The following SLC26A7 variants were observed in gnomAD, a reference collection of about 807,000 sequenced individuals.
SLC26A7 encodes anion exchange transporter.
In SLC26A7, 59 loss-of-function variants were observed where a neutral mutation model predicts 82.5. The observed-to-expected ratio is 0.72, with a 90% CI of 0.58 to 0.89. The LOEUF is 0.89. Ranked by LOEUF, SLC26A7 falls within the 40% of genes least tolerant of loss-of-function variation. SLC26A7 has a pLI of 0.00. For missense variants in SLC26A7, 820 were observed against 793.0 expected (o/e 1.03, Z -0.41); for synonymous variants, 271 against 274.3 (o/e 0.99, Z 0.12).
At chr8:91,276,340 T>C (rs902561854) in intron 2 of SLC26A7, among the ~76,000 whole-genome samples, 2 of 152,220 alleles carry the variant, frequency 1.3e-5, no homozygotes, top group African/African-American at 4.8e-5. Context: ...CTTGCATTTG[T>C]ATATTATTTT....
chr8:91,305,853 T>C (rs532121000), intron 4 of SLC26A7, among the ~76,000 whole-genome samples: 2 of 152,186 alleles, frequency 1.3e-5, no homozygotes, highest in South Asian at 4.1e-4. Context: ...ACTTTTTCCT[T>C]TTTCCTTTAC....
At chr8:91,354,339 T>C (rs898515117) in intron 11 of SLC26A7, among the ~76,000 whole-genome samples, 10 of 152,064 alleles carry the variant, frequency 6.6e-5, no homozygotes, top group African/African-American at 1.9e-4. Context: ...ACAAAGAGAA[T>C]CTCATATGCA....
chr8:91,358,437 C>T (rs1354872591), intron 11 of SLC26A7, among the ~76,000 whole-genome samples: 5 of 150,690 alleles, frequency 3.3e-5, no homozygotes, highest in African/African-American at 1.2e-4. Context: ...TCATGCCATT[C>T]TCCTGCCTCA....
intron 7 of SLC26A7, among the ~76,000 whole-genome samples, chr8:91,339,404 A>G (rs1271800327): frequency 6.6e-6 from 1 of 152,138 alleles, no homozygotes; most frequent in African/African-American, 2.4e-5. Context: ...TGGAGCTGAG[A>G]TTGCATTCCA....
chr8:91,300,668 A>AT (rs1474178528), intron 4 of SLC26A7, among the ~76,000 whole-genome samples: 1 of 152,210 alleles, frequency 6.6e-6, no homozygotes, highest in African/African-American at 2.4e-5. Flanking sequence ...AAGTGCTGGG[A>AT]TTACAGGCGT....
intron 11 of SLC26A7, among the ~76,000 whole-genome samples, chr8:91,358,518 G>T (rs1235228299): frequency 6.6e-6 from 1 of 151,760 alleles, no homozygotes; most frequent in Non-Finnish European, 1.5e-5. Flanking sequence ...TTTTAGTAGA[G>T]ACGGGGTTTC....
intron 9 of SLC26A7, chr8:91,344,347 GAAAA>G: frequency 4.3e-6 from 1 of 229,998 alleles, no homozygotes; most frequent in East Asian, 1.8e-4. Context: ...GGATACACAA[GAAAA>G]ATCATGTGTA....
intron 5 of SLC26A7, among the ~76,000 whole-genome samples, chr8:91,318,759 G>T (rs1316828716): frequency 6.6e-6 from 1 of 152,144 alleles, no homozygotes; most frequent in Non-Finnish European, 1.5e-5. Flanking sequence ...TCCTGGGGTG[G>T]ATTAAATCAG....
chr8:91,378,954 TAAG>T (rs1286601712), intron 15 of SLC26A7, among the ~76,000 whole-genome samples: 2 of 152,018 alleles, frequency 1.3e-5, no homozygotes, highest in East Asian at 1.9e-4. Flanking sequence ...TTTGAATTAA[TAAG>T]AAGTTAAAAG....
intron 18 of SLC26A7, chr8:91,394,267 C>T (rs775261627): frequency 1.7e-5 from 27 of 1,613,184 alleles, no homozygotes; most frequent in South Asian, 9.9e-5. Context: ...ACAATGCCAC[C>T]GCTCTGAGGA....
In SLC26A7 at chr8:91,395,847, C is replaced by T. The variant is rs1307678823; in HGVS notation, c.*750C>T. On this transcript the variant is annotated 3_prime_UTR_variant, in exon 19 of 19. Coordinates refer to ENST00000276609, the MANE Select transcript of SLC26A7 (RefSeq NM_052832.4). ...TAACATTTCTACCCAATAAGAGGCTCTGTTTTCCACTGAAGCTTTGTTGGA... is the reference window on the plus strand; with the variant it reads ...TAACATTTCTACCCAATAAGAGGCTTTGTTTTCCACTGAAGCTTTGTTGGA... The T allele has an allele frequency of 1.3e-5, 2 of 152,006 alleles. No individual in the cohort carries two copies. The highest frequency in any genetic ancestry group is 6.6e-5 in the Admixed American group (1 of 15,252). The allele number at this position is 152,006 out of a possible 1,614,324, so 9.4% of individuals were successfully genotyped here.
In SLC26A7 at chr8:91,363,941, GTT is replaced by G. The variant is rs5893169; in HGVS notation, c.1488+419_1488+420del. 1.2e-3 allele frequency among the ~76,000 whole-genome samples: 157 copies of G among 135,684 alleles called. 1 individual carries two copies. Among genetic ancestry groups the G allele is most frequent in the African/African-American group, 2.1e-3 (78 of 36,694 alleles). 89.0% of individuals were successfully genotyped at this position (135,684 alleles called of 152,430 possible). ...TGAAGCAAATTTGGTTCATGGTATT[GTT>G]TTTTTTTTTTTTTTTCTTAACTCAG... On this transcript the variant is annotated intron_variant, in intron 13 of 18. Coordinates refer to ENST00000276609, the MANE Select transcript of SLC26A7 (RefSeq NM_052832.4).
rs868538613 is a variant in SLC26A7, at chr8:91,355,509, T to C, written c.1314+2513T>C. 3.6e-4 allele frequency among the ~76,000 whole-genome samples: 55 copies of C among 152,182 alleles called. 2 individuals are homozygous for C. Among genetic ancestry groups the C allele is most frequent in the Middle Eastern group, 3.4e-3 (1 of 294 alleles). On this transcript the variant is annotated intron_variant, in intron 11 of 18. Coordinates refer to ENST00000276609, the MANE Select transcript of SLC26A7 (RefSeq NM_052832.4). Reference sequence around the variant, plus strand: ...CTAGACACATATCTCTGATTATGTATTTCTAGTTGTGATTTTCTTACTTTT... The same window carrying C: ...CTAGACACATATCTCTGATTATGTACTTCTAGTTGTGATTTTCTTACTTTT...
At chr8:91,394,576 T>C (rs1808513733) in intron 18 of SLC26A7, 2 of 1,205,306 alleles carry the variant, frequency 1.7e-6, no homozygotes, top group Admixed American at 4.2e-5. Context: ...AATTTTTCCT[T>C]GAGTTTTGAA....
intron 5 of SLC26A7, among the ~76,000 whole-genome samples, chr8:91,332,256 A>C (rs904819589): frequency 5.8e-4 from 83 of 143,572 alleles, no homozygotes; most frequent in Non-Finnish European, 1.2e-3. Flanking sequence ...TTATATATTA[A>C]ATTTATAATT....
chr8:91,222,524 A>G (rs1810175141), intron 2 of SLC26A7, among the ~76,000 whole-genome samples: 2 of 152,090 alleles, frequency 1.3e-5, no homozygotes, highest in Non-Finnish European at 2.9e-5. Context: ...ATTTTTAGAT[A>G]TGTTCCATCA....
intron 3 of SLC26A7, among the ~76,000 whole-genome samples, chr8:91,294,541 G>A (rs1208838124): frequency 6.6e-6 from 1 of 152,052 alleles, no homozygotes; most frequent in Admixed American, 6.6e-5. Flanking sequence ...ATGTTGAAAA[G>A]GCCCTTTTCA....
intron 4 of SLC26A7, among the ~76,000 whole-genome samples, chr8:91,311,767 G>T (rs1812494325): frequency 1.3e-5 from 2 of 152,226 alleles, no homozygotes; most frequent in South Asian, 4.1e-4. Flanking sequence ...CAGGCTAGGG[G>T]AGGAAGAGGG....
chr8:91,295,560 G>A lies in SLC26A7; in HGVS notation c.334G>A (p.Ala112Thr), dbSNP rs775341911. Residue 112 changes from alanine (A) to threonine (T), a missense_variant, in exon 4 of 19, where the codon GCC becomes ACC. By Grantham distance (58) the Ala-to-Thr change is moderately conservative (BLOSUM62 0). Coordinates refer to ENST00000276609, the MANE Select transcript of SLC26A7 (RefSeq NM_052832.4). The part of the protein sequence containing the change: ...GTFALTSLIS[A>T]NAVERIVPQN... ...CTTTGCCTTGACATCCTTAATATCA[G>A]CCAACGCCGTGGAACGGATTGTCCC... 59 of 1,613,500 alleles carry A rather than the reference G, an allele frequency of 3.7e-5. 1 individual carries two copies. In the South Asian group the frequency reaches 6.2e-4, roughly 17 times the overall value.
Sources: gnomAD v4.1 joint callset for allele counts (sites outside exome capture counted in the v4.1 genomes callset) on GRCh38, gnomAD v4.1.1 for gene constraint, MANE v1.5 for transcripts, NCBI Gene and HGNC (gene_info 2026-07-23, HGNC 2026-07-21) for gene names.